Variants in BCL2 observed in about 807,000 individuals in gnomAD.
The protein encoded by BCL2 is BCL2 apoptosis regulator.
In BCL2, 1 loss-of-function variant was observed where a neutral mutation model predicts 14.2. That is an observed-to-expected ratio of 0.07 (90% CI 0.02 to 0.33). BCL2 has a LOEUF of 0.33. Among genes scored for constraint, BCL2 ranks in the 10% least tolerant of loss-of-function variants. The pLI is 0.99. For synonymous variants in BCL2, 151 were observed against 137.2 expected, an observed-to-expected ratio of 1.10 and a Z score of -0.70; for missense variants, 247 against 305.9, an observed-to-expected ratio of 0.81 and a Z score of 1.44.
intron 2 of BCL2, among the ~76,000 whole-genome samples, chr18:63,195,450 T>TG (rs1909419428): frequency 6.6e-6 from 1 of 152,216 alleles, no homozygotes; most frequent in African/African-American, 2.4e-5. Context: ...TAAAGTACTA[T>TG]GCTCACAACT....
intron 2 of BCL2, among the ~76,000 whole-genome samples, chr18:63,182,736 C>A (rs1915508094): frequency 6.6e-6 from 1 of 152,232 alleles, no homozygotes. Flanking sequence ...CACAAACATG[C>A]ATACCACATG....
chr18:63,258,687 G>A (rs1171472929), intron 2 of BCL2, among the ~76,000 whole-genome samples: 1 of 152,234 alleles, frequency 6.6e-6, no homozygotes, highest in Admixed American at 6.5e-5. Flanking sequence ...TCCGGCTTCA[G>A]GGGGAGCAGA....
chr18:63,277,573 CCTT>C (rs1312624060), intron 2 of BCL2, among the ~76,000 whole-genome samples: 1 of 104,484 alleles, frequency 9.6e-6, no homozygotes, highest in Non-Finnish European at 2.3e-5. Flanking sequence ...GAGATCATGT[CCTT>C]TTTTTTTTTT....
rs546449806 is a variant in BCL2 at position 63,318,572 on chromosome 18, G to C, written c.95C>G (p.Ala32Gly). 5.8e-5 allele frequency: 93 copies of C among 1,599,436 alleles called. No individual in the cohort carries two copies. The highest frequency in any genetic ancestry group is 3.6e-4 in the Admixed American group (21 of 58,520). Reference sequence around the variant, plus strand: ...CGGGGGCGCGGCGCCCACATCTCCCGCATCCCACTCGTAGCCCCTCTGCGA... The same window carrying C: ...CGGGGGCGCGGCGCCCACATCTCCCCCATCCCACTCGTAGCCCCTCTGCGA... ...KLSQRGYEWD[A>G]GDVGAAPPGA... Residue 32 changes from alanine to glycine, a missense_variant, in exon 2 of 3, where the codon GCG (alanine) becomes GGG (glycine). By Grantham distance (60) the Ala-to-Gly change is moderately conservative. Around this residue, in one of 3 missense-constraint regions of BCL2, gnomAD observed 144 missense variants for 135.3 expected, o/e 1.06. Coordinates refer to ENST00000333681, the MANE Select transcript of BCL2 (RefSeq NM_000633.3). The surrounding 1 kb of genome is among the most constrained non-coding windows in gnomAD (Gnocchi z 7.4).
chr18:63,141,143 C>T (rs1192361869), intron 2 of BCL2, among the ~76,000 whole-genome samples: 1 of 152,196 alleles, frequency 6.6e-6, no homozygotes, highest in Non-Finnish European at 1.5e-5. Context: ...CTGAAAACTC[C>T]GCCGTAGCGA....
chr18:63,221,399 C>T (rs1910387385), intron 2 of BCL2, among the ~76,000 whole-genome samples: 1 of 151,378 alleles, frequency 6.6e-6, no homozygotes, highest in Non-Finnish European at 1.5e-5. Flanking sequence ...AAGAAAATAT[C>T]ACAGAGTTAA....
intron 2 of BCL2, among the ~76,000 whole-genome samples, chr18:63,224,358 C>T (rs770510396): frequency 2.3e-4 from 35 of 151,998 alleles, no homozygotes; most frequent in Non-Finnish European, 4.1e-4. Context: ...GAACAGTCAT[C>T]GTGAAATTTA....
At chr18:63,242,995 T>A (rs148644249) in intron 2 of BCL2, among the ~76,000 whole-genome samples, 136 of 152,296 alleles carry the variant, frequency 8.9e-4, no homozygotes, top group African/African-American at 3.2e-3. Flanking sequence ...CGTCTTCAAG[T>A]AACATGGATT....
intron 2 of BCL2, among the ~76,000 whole-genome samples, chr18:63,148,619 C>T (rs1415938424): frequency 1.3e-5 from 2 of 150,992 alleles, no homozygotes; most frequent in Non-Finnish European, 2.9e-5. Context: ...GAAGTGGCAA[C>T]GAATTTCCCT....
rs995961785 is a variant in BCL2 at position 63,123,568 on chromosome 18, C to T, written c.*5057G>A. The stretch of plus-strand genomic sequence containing the variant: ...TCAGCCACCTCTTAAAAGTATCAAT[C>T]TTAAAAAGAGCCATGGAAGGTAAAA... On this transcript the variant is annotated 3_prime_UTR_variant, in exon 3 of 3. Coordinates refer to ENST00000333681, the MANE Select transcript of BCL2 (RefSeq NM_000633.3). 1 of 208,434 alleles carries T rather than the reference C, an allele frequency of 4.8e-6. No individual in the cohort carries two copies. Among genetic ancestry groups the T allele is most frequent in the Non-Finnish European group, 9.8e-6 (1 of 102,502 alleles). The allele number at this position is 208,434 out of a possible 1,614,324, so 12.9% of individuals were successfully genotyped here. A position where few individuals can be genotyped will look rare whatever the true frequency, so the allele number is the denominator to read the frequency against.
At chr18:63,259,792 C>T (rs956722761) in intron 2 of BCL2, among the ~76,000 whole-genome samples, 55 of 152,230 alleles carry the variant, frequency 3.6e-4, no homozygotes, top group Admixed American at 1.8e-3. Flanking sequence ...TTCAAATACT[C>T]GCTGTATGTG....
intron 2 of BCL2, among the ~76,000 whole-genome samples, chr18:63,290,110 C>T (rs1186788617): frequency 2.0e-5 from 3 of 151,888 alleles, no homozygotes; most frequent in Non-Finnish European, 4.4e-5. Context: ...AGGTTTTGAG[C>T]CTGGGTGATC....
At chr18:63,202,075 G>A (rs540672371) in intron 2 of BCL2, among the ~76,000 whole-genome samples, 4 of 152,304 alleles carry the variant, frequency 2.6e-5, no homozygotes, top group South Asian at 2.1e-4. Flanking sequence ...TGGAGAGGCC[G>A]AAGCAGGCGG....
chr18:63,250,118 T>C (rs7240326), intron 2 of BCL2, among the ~76,000 whole-genome samples: 64,674 of 152,086 alleles, frequency 0.43, 16,379 homozygotes, highest in Non-Finnish European at 0.57. Context: ...TGCTAGTGTA[T>C]TATACTCTCT....
intron 2 of BCL2, among the ~76,000 whole-genome samples, chr18:63,272,406 C>T (rs1475084966): frequency 6.6e-6 from 1 of 152,098 alleles, no homozygotes; most frequent in Non-Finnish European, 1.5e-5. Context: ...TATTGTTTAA[C>T]CTACATAGAG....
Position 63,199,055 on chromosome 18 carries a change from C to T in BCL2, c.586-70296G>A, listed in dbSNP as rs560029909. On this transcript the variant is annotated intron_variant, in intron 2 of 2. Coordinates refer to ENST00000333681, the MANE Select transcript of BCL2 (RefSeq NM_000633.3). ...TACAGACACAGACATACAAAAGACA[C>T]ACACACTACACAACACATGCACACA... 7.1e-3 allele frequency among the ~76,000 whole-genome samples: 1,074 copies of T among 150,274 alleles called. 6 individuals carry two copies. The highest frequency in any genetic ancestry group is 0.025 in the African/African-American group (1,027 of 40,588).
chr18:63,211,063 C>CTTTTTTTTTTTTTTTTTTTTTTTTTT (rs59302545), intron 2 of BCL2, among the ~76,000 whole-genome samples: 2 of 59,142 alleles, frequency 3.4e-5, no homozygotes, highest in Non-Finnish European at 5.8e-5. Flanking sequence ...CTTTTCATTT[C>CTTTTTTTTTTTTTTTTTTTTTTTTTT]TTTTTTTTTT....
chr18:63,171,943 T>C (rs1915231108), intron 2 of BCL2, among the ~76,000 whole-genome samples: 1 of 152,244 alleles, frequency 6.6e-6, no homozygotes. Flanking sequence ...ATCACACCAC[T>C]GCACTCCAGC....
At chr18:63,230,536 G>C (rs1287383001) in intron 2 of BCL2, among the ~76,000 whole-genome samples, 1 of 151,990 alleles carries the variant, frequency 6.6e-6, no homozygotes, top group Non-Finnish European at 1.5e-5. Flanking sequence ...AAACAAAATA[G>C]AGGCTGATTC....
Sources: gnomAD v4.1 joint callset for allele counts (sites outside exome capture counted in the v4.1 genomes callset) on GRCh38, gnomAD v4.1.1 for gene constraint, gnomAD v4.1.1 regional missense constraint, Gnocchi (gnomAD v3.1) non-coding constraint, MANE v1.5 for transcripts, NCBI Gene and HGNC (gene_info 2026-07-23, HGNC 2026-07-21) for gene names.